The following NSUN6 variants were observed in gnomAD, a reference collection of about 807,000 sequenced individuals.
The protein encoded by NSUN6 is NOP2/Sun RNA methyltransferase 6.
A neutral mutation model predicts 58.0 loss-of-function variants in NSUN6; 64 were observed. That is an observed-to-expected ratio of 1.10 (90% CI 0.90 to 1.36). The LOEUF is 1.36. Among genes scored for constraint, NSUN6 ranks in the 40% most tolerant of loss-of-function variants. The pLI, the probability that NSUN6 is intolerant of heterozygous loss-of-function variation, is 0.00. For missense variants in NSUN6, 701 were observed against 550.1 expected, an observed-to-expected ratio of 1.27 and a Z score of -2.74; for synonymous variants, 231 against 193.9, an observed-to-expected ratio of 1.19 and a Z score of -1.59.
intron 6 of NSUN6, among the ~76,000 whole-genome samples, chr10:18,598,267 G>T (rs574770649): frequency 2.0e-5 from 3 of 152,132 alleles, no homozygotes; most frequent in Non-Finnish European, 4.4e-5. Flanking sequence ...AAGAACTAAT[G>T]ATAATCCCAT....
Position 18,632,779 on chromosome 10 carries a change from G to T in NSUN6, c.311+9697C>A, listed in dbSNP as rs1383880172. 3.3e-5 allele frequency among the ~76,000 whole-genome samples: 5 copies of T among 152,298 alleles called. No individual in the cohort carries two copies. In the South Asian group the frequency reaches 8.3e-4, roughly 25 times the overall value. The stretch of plus-strand genomic sequence containing the variant: ...CAACAGGTGCTGGAGAGGATGTGGA[G>T]AAATAGGAACAATTTTACACTGTTG... On this transcript the variant is annotated intron_variant, in intron 3 of 10. Coordinates refer to ENST00000377304, the MANE Select transcript of NSUN6 (RefSeq NM_182543.5).
chr10:18,646,293 C>G (rs542202308), intron 2 of NSUN6, among the ~76,000 whole-genome samples: 3 of 152,156 alleles, frequency 2.0e-5, no homozygotes, highest in Admixed American at 1.3e-4. Flanking sequence ...CTTTAGGACA[C>G]GTGAACTTTT....
chr10:18,655,713 C>G (rs192062161), upstream of NSUN6, among the ~76,000 whole-genome samples: 18 of 152,274 alleles, frequency 1.2e-4, 1 homozygote, highest in East Asian at 3.5e-3. Flanking sequence ...GAAATTGAGT[C>G]AGCTTCAAAA....
At chr10:18,586,904 T>A (rs2057173979) in intron 7 of NSUN6, among the ~76,000 whole-genome samples, 1 of 152,090 alleles carries the variant, frequency 6.6e-6, no homozygotes, top group Admixed American at 6.6e-5. Flanking sequence ...GCATTTACAA[T>A]CCTTTAGCTA....
intron 6 of NSUN6, among the ~76,000 whole-genome samples, chr10:18,600,726 G>C (rs1248495437): frequency 1.3e-5 from 2 of 151,508 alleles, no homozygotes; most frequent in Non-Finnish European, 2.9e-5. Context: ...TCAGGAGTTT[G>C]AGACCAGACT....
chr10:18,568,739 A>T (rs1036467720), intron 8 of NSUN6, among the ~76,000 whole-genome samples: 2 of 150,414 alleles, frequency 1.3e-5, no homozygotes, highest in African/African-American at 4.9e-5. Flanking sequence ...TCTCCATTGC[A>T]TTCCATATTC....
chr10:18,600,620 AC>A (rs2057766841), intron 6 of NSUN6, among the ~76,000 whole-genome samples: 1 of 151,408 alleles, frequency 6.6e-6, no homozygotes, highest in African/African-American at 2.4e-5. Context: ...CCTCAATAAA[AC>A]AAAAAAAGAG....
intron 8 of NSUN6, among the ~76,000 whole-genome samples, chr10:18,557,645 G>A (rs575967133): frequency 3.3e-5 from 5 of 149,792 alleles, no homozygotes; most frequent in Admixed American, 2.0e-4. Context: ...GAATGGAAAA[G>A]AGCAGAATGG....
At chr10:18,556,054 G>A (rs896841850) in intron 8 of NSUN6, among the ~76,000 whole-genome samples, 2 of 148,796 alleles carry the variant, frequency 1.3e-5, no homozygotes, top group African/African-American at 2.5e-5. Flanking sequence ...TGGAATGGAA[G>A]GGAAAATGGA....
chr10:18,624,576 G>A (rs1321623787), intron 3 of NSUN6, among the ~76,000 whole-genome samples: 2 of 146,656 alleles, frequency 1.4e-5, no homozygotes, highest in East Asian at 4.1e-4. Flanking sequence ...GCGTAGACCC[G>A]GGATGTAGAG....
At chr10:18,628,434 G>C (rs1257527611) in intron 3 of NSUN6, among the ~76,000 whole-genome samples, 2 of 152,194 alleles carry the variant, frequency 1.3e-5, no homozygotes, top group Non-Finnish European at 2.9e-5. Flanking sequence ...AGAGAAGAAG[G>C]CTTCAGACGA....
intron 8 of NSUN6, among the ~76,000 whole-genome samples, chr10:18,563,871 C>T (rs2055729004): frequency 6.6e-6 from 1 of 151,016 alleles, no homozygotes; most frequent in Non-Finnish European, 1.5e-5. Flanking sequence ...TTCCATATTC[C>T]ATTCCATTCT....
Position 18,563,183 on chromosome 10 carries a change from A to G in NSUN6, c.923-11212T>C, listed in dbSNP as rs140552002. Among the ~76,000 whole-genome samples, 735 of 93,832 alleles carry G rather than the reference A, an allele frequency of 7.8e-3. 4 individuals carry two copies. The highest frequency in any genetic ancestry group is 0.032 in the African/African-American group (708 of 21,978). The allele number at this position is 93,832 out of a possible 152,430, so 61.6% of individuals were successfully genotyped here. On this transcript the variant is annotated intron_variant, in intron 8 of 10. Coordinates refer to ENST00000377304, the MANE Select transcript of NSUN6 (RefSeq NM_182543.5). ...AATGGAGAATGGAATGGAATGGAGA[A>G]TGGTATGGAATGGAATGGAGAATGG...
At chr10:18,559,086 T>C (rs1048917828) in intron 8 of NSUN6, among the ~76,000 whole-genome samples, 9 of 148,438 alleles carry the variant, frequency 6.1e-5, no homozygotes, top group African/African-American at 2.2e-4. Context: ...GAATGGAGAA[T>C]GGAATGGAAT....
intron 1 of NSUN6, among the ~76,000 whole-genome samples, chr10:18,649,973 T>C (rs2059656481): frequency 6.6e-6 from 1 of 152,078 alleles, no homozygotes; most frequent in Admixed American, 6.6e-5. Flanking sequence ...CAATAACATA[T>C]TCAAAAATGA....
intron 6 of NSUN6, among the ~76,000 whole-genome samples, chr10:18,602,759 AT>A (rs1268879365): frequency 1.3e-5 from 2 of 152,062 alleles, no homozygotes; most frequent in Non-Finnish European, 1.5e-5. Context: ...ATTTTTTACT[AT>A]TGGGTCTTTT....
chr10:18,626,990 A>AT (rs1013597178), intron 3 of NSUN6, among the ~76,000 whole-genome samples: 4 of 152,224 alleles, frequency 2.6e-5, no homozygotes, highest in Non-Finnish European at 5.9e-5. Context: ...TTACAAATTG[A>AT]TTTTTGGCCT....
At chr10:18,573,341 C>G (rs552596972) in intron 8 of NSUN6, among the ~76,000 whole-genome samples, 1 of 151,648 alleles carries the variant, frequency 6.6e-6, no homozygotes, top group East Asian at 1.9e-4. Flanking sequence ...ATTACCCATT[C>G]CTTTCCATTC....
chr10:18,559,207 G>A (rs944668593), intron 8 of NSUN6, among the ~76,000 whole-genome samples: 1 of 151,164 alleles, frequency 6.6e-6, no homozygotes, highest in Non-Finnish European at 1.5e-5. Context: ...ATGGAATAGA[G>A]AATGGAATGG....
Sources: allele counts gnomAD v4.1 joint callset (sites outside exome capture counted in the v4.1 genomes callset), GRCh38; gene constraint gnomAD v4.1.1; transcripts MANE v1.5; gene names NCBI Gene and HGNC (gene_info 2026-07-23, HGNC 2026-07-21).